Variants in CELF2 observed in about 807,000 individuals in gnomAD.
CELF2 encodes CUGBP Elav-like family member 2.
A neutral mutation model predicts 62.6 loss-of-function variants in CELF2; 8 were observed. The ratio of observed to expected loss-of-function variants is 0.13; its 90% CI spans 0.07 to 0.23. CELF2 has a LOEUF of 0.23. Ranked by LOEUF, CELF2 falls within the 10% of genes least tolerant of loss-of-function variation. The pLI, the probability that CELF2 is intolerant of heterozygous loss-of-function variation, is 1.00. For synonymous variants in CELF2, 258 were observed against 250.0 expected (o/e 1.03, Z -0.30); for missense variants, 333 against 671.0 (o/e 0.50, Z 5.56).
chr10:11,083,242 A>T (rs949843775), intron 1 of CELF2, among the ~76,000 whole-genome samples: 2 of 152,218 alleles, frequency 1.3e-5, no homozygotes. Context: ...TGAAAGGACC[A>T]TTATCACTTT....
chr10:11,196,791 A>G (rs533943331), intron 2 of CELF2, among the ~76,000 whole-genome samples: 5 of 151,824 alleles, frequency 3.3e-5, no homozygotes, highest in Non-Finnish European at 7.4e-5. Context: ...CCCCGTCTCT[A>G]CAAAAAAATA....
the CELF2 span, among the ~76,000 whole-genome samples, chr10:10,496,522 G>A: frequency 3.3e-5 from 5 of 152,156 alleles, no homozygotes; most frequent in African/African-American, 9.7e-5. Flanking sequence ...ATAGGTGCTT[G>A]ACAGATAGCT....
intron 3 of CELF2, among the ~76,000 whole-genome samples, chr10:11,232,748 GGCCCACATTCATGGATAGGAGATA>G (rs1231824684): frequency 2.3e-4 from 35 of 152,184 alleles, no homozygotes; most frequent in African/African-American, 5.3e-4. Flanking sequence ...GATAGGAGAT[GGCCCACATTCATGGATAGGAGATA>G]GCCCACATTC....
rs771827651 is a variant in CELF2 at position 11,324,920 on chromosome 10, A to C, written c.1295-916A>C. Among the ~76,000 whole-genome samples the C allele has an allele frequency of 2.6e-5, 4 of 151,484 alleles. No homozygotes were observed. The highest frequency in any genetic ancestry group is 9.7e-5 in the African/African-American group (4 of 41,152). On this transcript the variant is annotated intron_variant, in intron 11 of 12. Coordinates refer to ENST00000633077, the MANE Select transcript of CELF2 (RefSeq NM_001326342.2). This position sits in a 1 kb window ranked among gnomAD's most constrained non-coding sequence, Gnocchi z 4.7. ...TTCTGTGAGCGCCCCTCCTCGGAAGACTCCATGCCTGGAACGCCCAAGAAA... is the reference window on the plus strand; with the variant it reads ...TTCTGTGAGCGCCCCTCCTCGGAAGCCTCCATGCCTGGAACGCCCAAGAAA...
intron 1 of CELF2, among the ~76,000 whole-genome samples, chr10:10,802,641 C>T (rs1036486638): frequency 6.6e-6 from 1 of 152,168 alleles, no homozygotes; most frequent in Non-Finnish European, 1.5e-5. Context: ...CCCTAAGTCA[C>T]CTCTGGGGAA....
intron 1 of CELF2, among the ~76,000 whole-genome samples, chr10:11,079,599 C>G (rs1018141997): frequency 1.1e-4 from 16 of 152,164 alleles, no homozygotes; most frequent in Admixed American, 3.3e-4. Context: ...CTCCTGCCTC[C>G]CTATGAAGAG....
chr10:11,207,273 TCCTCGCAGAAAACAG>T lies in CELF2; in HGVS notation c.272-10151_272-10137del, dbSNP rs1276446244. ...AAAAGGAAAGAAAGAAACTCCATTT[TCCTCGCAGAAAACAG>T]GGAGCTTGCTAGTCTTCACGGGGTC... On this transcript the variant is annotated intron_variant, in intron 2 of 12. Coordinates refer to ENST00000633077, the MANE Select transcript of CELF2 (RefSeq NM_001326342.2). This position sits in a 1 kb window ranked among gnomAD's most constrained non-coding sequence, Gnocchi z 4.1. 6.6e-6 allele frequency among the ~76,000 whole-genome samples: 1 copy of T among 152,166 alleles called. No individual in the cohort carries two copies. Among genetic ancestry groups the T allele is most frequent in the Non-Finnish European group, 1.5e-5 (1 of 68,026 alleles).
chr10:10,604,558 C>G, the CELF2 span, among the ~76,000 whole-genome samples: 1 of 152,122 alleles, frequency 6.6e-6, no homozygotes, highest in Non-Finnish European at 1.5e-5. Flanking sequence ...AACATGAGTA[C>G]TTAGGAAAAT....
the CELF2 span, among the ~76,000 whole-genome samples, chr10:10,508,656 A>G: frequency 1.4e-5 from 2 of 138,774 alleles, no homozygotes; most frequent in African/African-American, 5.5e-5. Context: ...GATTTCTTAA[A>G]CAGATGTGTG....
the CELF2 span, among the ~76,000 whole-genome samples, chr10:10,710,984 T>G: frequency 6.6e-6 from 1 of 152,330 alleles, no homozygotes; most frequent in Admixed American, 6.5e-5. Flanking sequence ...TCCTTTATTC[T>G]TAATCAGAGT....
intron 8 of CELF2, among the ~76,000 whole-genome samples, chr10:11,282,226 A>G (rs1490308899): frequency 2.6e-5 from 4 of 152,134 alleles, no homozygotes; most frequent in Non-Finnish European, 5.9e-5. Context: ...GGAAATGGAT[A>G]CCAATGCACA....
Position 11,256,664 on chromosome 10 carries a change from TTAA to T in CELF2, c.404-1073_404-1071del, listed in dbSNP as rs779274341. On this transcript the variant is annotated intron_variant, in intron 4 of 12. Coordinates refer to ENST00000633077, the MANE Select transcript of CELF2 (RefSeq NM_001326342.2). ...CTCCCCGTGGGTGTCTGTGATGTCCTTAAAAAAAAAAAAAAAAAAGGCACCTCT... is the reference window on the plus strand; with the variant it reads ...CTCCCCGTGGGTGTCTGTGATGTCCTAAAAAAAAAAAAAAAAGGCACCTCT... Among the ~76,000 whole-genome samples the T allele has an allele frequency of 1.2e-3, 83 of 71,710 alleles. 3 individuals are homozygous for T. The highest frequency in any genetic ancestry group is 1.9e-3 in the South Asian group (4 of 2,144). The allele number at this position is 71,710 out of a possible 152,430, so 47.0% of individuals were successfully genotyped here. A position where few individuals can be genotyped will look rare whatever the true frequency, so the allele number is the denominator to read the frequency against.
chr10:10,669,306 T>C, the CELF2 span, among the ~76,000 whole-genome samples: 6 of 152,240 alleles, frequency 3.9e-5, no homozygotes, highest in Non-Finnish European at 8.8e-5. Context: ...TGCTATTTTA[T>C]GAAGAGTAAA....
chr10:10,612,795 C>G, the CELF2 span, among the ~76,000 whole-genome samples: 1 of 152,178 alleles, frequency 6.6e-6, no homozygotes, highest in African/African-American at 2.4e-5. Flanking sequence ...ATTCTTGTAT[C>G]AGGCCCATGT....
Position 11,321,863 on chromosome 10 carries a change from G to A in CELF2, c.1294+477G>A, listed in dbSNP as rs2095458837. Reference sequence around the variant, plus strand: ...TAAATGGTTTTAATTATTTCCCCCAGCTACATCTTCTGAAGGGTTATGGCA... The same window carrying A: ...TAAATGGTTTTAATTATTTCCCCCAACTACATCTTCTGAAGGGTTATGGCA... On this transcript the variant is annotated intron_variant, in intron 11 of 12. Transcript: ENST00000633077. This position sits in a 1 kb window ranked among gnomAD's most constrained non-coding sequence, Gnocchi z 6.2. 6.6e-6 allele frequency among the ~76,000 whole-genome samples: 1 copy of A among 152,116 alleles called. No homozygotes were observed. Among genetic ancestry groups the A allele is most frequent in the Non-Finnish European group, 1.5e-5 (1 of 68,024 alleles).
chr10:10,962,221 G>A (rs945102144), intron 2 of CELF2, among the ~76,000 whole-genome samples: 4 of 152,214 alleles, frequency 2.6e-5, no homozygotes, highest in Non-Finnish European at 5.9e-5. Flanking sequence ...ACCCGCAGGT[G>A]CCATAGCACC....
Position 11,105,265 on chromosome 10 carries a change from T to C in CELF2, c.75-60221T>C, listed in dbSNP as rs117280257. 1.6e-3 allele frequency among the ~76,000 whole-genome samples: 245 copies of C among 152,296 alleles called. 1 individual carries two copies. Among genetic ancestry groups the C allele is most frequent in the East Asian group, 0.011 (56 of 5,172 alleles). On this transcript the variant is annotated intron_variant, in intron 1 of 12. Transcript: ENST00000633077. Reference sequence around the variant, plus strand: ...CTGGCTGGGTTTGAATCTACCTCACTTCCTGGTTGTGTGGCTTTGAATTCA... The same window carrying C: ...CTGGCTGGGTTTGAATCTACCTCACCTCCTGGTTGTGTGGCTTTGAATTCA...
At chr10:10,739,215 A>G in the CELF2 span, among the ~76,000 whole-genome samples, 3 of 152,120 alleles carry the variant, frequency 2.0e-5, no homozygotes, top group African/African-American at 4.8e-5. Context: ...TCTATAGAAA[A>G]CTCAGGACAG....
chr10:11,036,216 T>C (rs1341344675), intron 1 of CELF2, among the ~76,000 whole-genome samples: 2 of 152,260 alleles, frequency 1.3e-5, no homozygotes, highest in Non-Finnish European at 2.9e-5. Context: ...GGATCATTTC[T>C]CTTCAGCTTA....
Sources: allele counts gnomAD v4.1 joint callset (sites outside exome capture counted in the v4.1 genomes callset), GRCh38; gene constraint gnomAD v4.1.1; non-coding constraint Gnocchi (gnomAD v3.1); transcripts MANE v1.5; gene names NCBI Gene and HGNC (gene_info 2026-07-23, HGNC 2026-07-21).